Variants in WWOX observed in about 807,000 individuals in gnomAD.
WWOX encodes WW domain-containing oxidoreductase.
A neutral mutation model predicts 46.2 loss-of-function variants in WWOX; 69 were observed. That is an observed-to-expected ratio of 1.49 (90% CI 1.23 to 1.82). The LOEUF (loss-of-function observed/expected upper bound fraction) is 1.82, where lower values mean the gene tolerates loss of function less well. Ranked by LOEUF, WWOX falls within the 40% of genes most tolerant of loss-of-function variation. The probability of loss-of-function intolerance (pLI) is 0.00; values close to 1 mark genes in which losing one functional copy is unlikely to be tolerated. For synonymous variants in WWOX, 359 were observed against 202.6 expected (o/e 1.77, Z -6.56); for missense variants, 919 against 542.6 (o/e 1.69, Z -6.89).
chr16:78,532,315 G>T lies in WWOX; in HGVS notation c.1056+99563G>T, dbSNP rs190790578. Among the ~76,000 whole-genome samples the T allele has an allele frequency of 5.9e-5, 9 of 152,252 alleles. No individual in the cohort carries two copies. In the East Asian group the frequency reaches 1.2e-3, roughly 20 times the overall value. The stretch of plus-strand genomic sequence containing the variant: ...GCCATTTTGGCAACAGATGACTTCG[G>T]TTCAAGTCCTCTCTCTGTCTCTTAC... On this transcript the variant is annotated intron_variant, in intron 8 of 8. Transcript: ENST00000566780.
intron 5 of WWOX, among the ~76,000 whole-genome samples, chr16:78,325,636 C>T (rs1484656189): frequency 1.3e-5 from 2 of 152,176 alleles, no homozygotes; most frequent in Admixed American, 6.5e-5. Flanking sequence ...GTCAACCCGG[C>T]CTTCTCCGTT....
chr16:78,588,604 A>G (rs1597312568), intron 8 of WWOX, among the ~76,000 whole-genome samples: 2 of 152,178 alleles, frequency 1.3e-5, no homozygotes, highest in Admixed American at 1.3e-4. Context: ...GTACATGAGG[A>G]TACTGAGGCT....
chr16:78,594,045 G>A (rs546088666), intron 8 of WWOX, among the ~76,000 whole-genome samples: 8 of 152,228 alleles, frequency 5.3e-5, no homozygotes, highest in Middle Eastern at 3.4e-3. Context: ...ATCGTGAGGC[G>A]GAGATGTGAG....
chr16:78,813,781 G>A (rs951491972), intron 8 of WWOX, among the ~76,000 whole-genome samples: 24 of 152,098 alleles, frequency 1.6e-4, no homozygotes, highest in African/African-American at 5.6e-4. Context: ...GATGAGTGGG[G>A]CACATACAGA....
At chr16:78,823,502 G>C (rs1450448884) in intron 8 of WWOX, among the ~76,000 whole-genome samples, 4 of 152,166 alleles carry the variant, frequency 2.6e-5, no homozygotes, top group African/African-American at 9.7e-5. Context: ...GCTGCAAAAC[G>C]AGAGAGGTCA....
At chr16:79,206,078 G>A (rs991715334) in intron 8 of WWOX, 4 of 152,088 alleles carry the variant, frequency 2.6e-5, no homozygotes, top group East Asian at 3.9e-4. Flanking sequence ...CTTCATTTTT[G>A]TTCATCCAAA....
intron 8 of WWOX, chr16:78,551,523 T>C (rs989075817): frequency 2.0e-5 from 3 of 152,218 alleles, no homozygotes; most frequent in Admixed American, 2.0e-4. Flanking sequence ...TGTTCCTGTC[T>C]CTGGTTCAAA....
intron 8 of WWOX, among the ~76,000 whole-genome samples, chr16:78,925,743 C>T (rs188767215): frequency 6.6e-6 from 1 of 152,272 alleles, no homozygotes; most frequent in African/African-American, 2.4e-5. Context: ...TTGTTTCTCT[C>T]TAAGGGTGAA....
chr16:78,099,671 G>C lies in WWOX; in HGVS notation c.-108G>C. 1 of 1,375,940 alleles carries C rather than the reference G, an allele frequency of 7.3e-7. No homozygotes were observed. Among genetic ancestry groups the C allele is most frequent in the South Asian group, 1.5e-5 (1 of 64,570 alleles). 85.2% of individuals were successfully genotyped at this position (1,375,940 alleles called of 1,614,324 possible). A position where few individuals can be genotyped will look rare whatever the true frequency, so the allele number is the denominator to read the frequency against. ...TGGAGGGCGCAGTGCGCAGGCGTGA[G>C]CGGTCGGGCCCCGACGCGCGCGGGT... On this transcript the variant is annotated 5_prime_UTR_variant, in exon 1 of 9. Coordinates refer to ENST00000566780, the MANE Select transcript of WWOX (RefSeq NM_016373.4).
chr16:79,119,642 T>A (rs2150672787), intron 8 of WWOX, among the ~76,000 whole-genome samples: 1 of 152,286 alleles, frequency 6.6e-6, no homozygotes, highest in Middle Eastern at 3.4e-3. Context: ...ACATAGCAAA[T>A]GGTCCAGCCA....
chr16:78,647,031 C>T (rs1224198135), intron 8 of WWOX, among the ~76,000 whole-genome samples: 2 of 152,128 alleles, frequency 1.3e-5, no homozygotes, highest in Non-Finnish European at 2.9e-5. Context: ...TCTTTCTCTT[C>T]CTTTTGAGCC....
intron 8 of WWOX, among the ~76,000 whole-genome samples, chr16:78,638,739 A>C (rs2046634929): frequency 6.6e-6 from 1 of 152,192 alleles, no homozygotes; most frequent in African/African-American, 2.4e-5. Context: ...TCTCTTCCTC[A>C]GGGTGCTCTC....
chr16:79,186,664 C>T (rs531052994), intron 8 of WWOX, among the ~76,000 whole-genome samples: 12 of 152,198 alleles, frequency 7.9e-5, no homozygotes, highest in African/African-American at 2.6e-4. Flanking sequence ...ATGATTCAAC[C>T]TATAACAAGT....
At chr16:79,116,745 T>G (rs943457244) in intron 8 of WWOX, among the ~76,000 whole-genome samples, 3 of 152,026 alleles carry the variant, frequency 2.0e-5, no homozygotes, top group Non-Finnish European at 4.4e-5. Context: ...TTGTTATTAT[T>G]AATTTTTGAT....
chr16:78,581,613 G>C (rs542117848), intron 8 of WWOX, among the ~76,000 whole-genome samples: 6 of 152,056 alleles, frequency 3.9e-5, no homozygotes, highest in Non-Finnish European at 8.8e-5. Flanking sequence ...ACTGAAACAT[G>C]GAATCAAAGT....
chr16:78,598,737 G>T (rs1166341886), intron 8 of WWOX, among the ~76,000 whole-genome samples: 1 of 152,204 alleles, frequency 6.6e-6, no homozygotes, highest in East Asian at 1.9e-4. Context: ...ACTACAGTGT[G>T]CCTGGAAAGG....
At chr16:78,974,452 A>G (rs1345576007) in intron 8 of WWOX, among the ~76,000 whole-genome samples, 1 of 152,216 alleles carries the variant, frequency 6.6e-6, no homozygotes, top group African/African-American at 2.4e-5. Flanking sequence ...CTCAAGTTCC[A>G]CAACAAAATG....
intron 8 of WWOX, among the ~76,000 whole-genome samples, chr16:78,768,279 T>TAAACAAAAAAAAAAA (rs1555531815): frequency 1.4e-4 from 13 of 91,960 alleles, no homozygotes; most frequent in African/African-American, 5.2e-4. Context: ...ATAGATGAGT[T>TAAACAAAAAAAAAAA]AAAAAAAAAA....
At position 78,977,936 on chromosome 16, in the gene WWOX, A is replaced by T. The variant is rs72808769; in HGVS notation, c.1057-233672A>T. On this transcript the variant is annotated intron_variant, in intron 8 of 8. Transcript: ENST00000566780. The stretch of plus-strand genomic sequence containing the variant: ...TAAGATTAACCATTTCAAAGTAGAC[A>T]GTTCAATAGCAGTACATTCACAATG... Among the ~76,000 whole-genome samples, 1,123 of 152,110 alleles carry T rather than the reference A, an allele frequency of 7.4e-3. 13 individuals are homozygous for T. The highest frequency in any genetic ancestry group is 0.011 in the Non-Finnish European group (781 of 67,996).
Sources: gnomAD v4.1 joint callset for allele counts (sites outside exome capture counted in the v4.1 genomes callset) on GRCh38, gnomAD v4.1.1 for gene constraint, MANE v1.5 for transcripts, NCBI Gene and HGNC (gene_info 2026-07-23, HGNC 2026-07-21) for gene names.